Variants in OCA2 observed in about 807,000 individuals in gnomAD.
OCA2 encodes OCA2 melanosomal transmembrane protein, also known as P protein.
In OCA2, 77 loss-of-function variants were observed where a neutral mutation model predicts 100.2. That is an observed-to-expected ratio of 0.77 (90% CI 0.64 to 0.93). The LOEUF (loss-of-function observed/expected upper bound fraction) is 0.93. OCA2 is among the 40% of genes least tolerant of loss of function. The pLI is 0.00. For synonymous variants in OCA2, 432 were observed against 439.2 expected, an observed-to-expected ratio of 0.98 and a Z score of 0.21; for missense variants, 1,062 against 1,089.1, an observed-to-expected ratio of 0.98 and a Z score of 0.35.
intron 23 of OCA2, among the ~76,000 whole-genome samples, chr15:27,765,135 G>A (rs1255528021): frequency 6.6e-6 from 1 of 152,110 alleles, no homozygotes; most frequent in Non-Finnish European, 1.5e-5. Flanking sequence ...CCAGGTGAGT[G>A]TAGCAGGCCA....
chr15:27,964,428 G>C (rs902364080), intron 15 of OCA2, among the ~76,000 whole-genome samples: 3 of 152,204 alleles, frequency 2.0e-5, no homozygotes, highest in Non-Finnish European at 2.9e-5. Context: ...CCCATTCTGA[G>C]CACCTGGCAG....
the OCA2 span, among the ~76,000 whole-genome samples, chr15:27,729,719 T>C: frequency 1.2e-4 from 19 of 152,328 alleles, no homozygotes; most frequent in African/African-American, 4.3e-4. Flanking sequence ...TAAGGACTCA[T>C]GGTTGTTATT....
rs545682488 is a variant in OCA2, at chr15:27,799,042, T to C, written c.2433-43570A>G. Among the ~76,000 whole-genome samples, 23 of 152,346 alleles carry C rather than the reference T, an allele frequency of 1.5e-4. No homozygotes were observed. The South Asian group carries it at 4.8e-3, about 32-fold the overall frequency. On this transcript the variant is annotated intron_variant, in intron 23 of 23. Transcript: ENST00000354638. ...AAGAAAGCCAAACAATGTTTTTCAT[T>C]AAACAAGAGAGCTCTTAATAAGTAG...
intron 18 of OCA2, among the ~76,000 whole-genome samples, chr15:27,947,366 T>C (rs1392898607): frequency 6.6e-6 from 1 of 152,158 alleles, no homozygotes; most frequent in African/African-American, 2.4e-5. Flanking sequence ...GAGGTGATGG[T>C]CCCTGCACAT....
intron 2 of OCA2, among the ~76,000 whole-genome samples, chr15:28,054,877 T>G (rs1398857579): frequency 6.6e-6 from 1 of 152,138 alleles, no homozygotes; most frequent in East Asian, 1.9e-4. Context: ...ATGTCCTTCT[T>G]CACGTGGTGG....
chr15:27,986,582 C>T lies in OCA2; in HGVS notation c.1239+5G>A. On this transcript the variant is annotated splice_donor_5th_base_variant and intron_variant, in intron 12 of 23. Coordinates refer to ENST00000354638, the MANE Select transcript of OCA2 (RefSeq NM_000275.3). ...TAGAATTATTAAATGCAACATCATA[C>T]CTACCTTTACAGCACAATAATCGAA... is the stretch of plus-strand genomic sequence containing the variant. 1.3e-6 allele frequency: 2 copies of T among 1,550,786 alleles called. No homozygotes were observed. The highest frequency in any genetic ancestry group is 1.8e-6 in the Non-Finnish European group (2 of 1,121,822).
intron 19 of OCA2, among the ~76,000 whole-genome samples, chr15:27,891,466 A>G (rs2037458743): frequency 2.0e-5 from 3 of 152,198 alleles, no homozygotes; most frequent in Admixed American, 1.3e-4. Context: ...TGGTTCCAGG[A>G]CCTCTGTGGA....
intron 18 of OCA2, among the ~76,000 whole-genome samples, chr15:27,945,219 C>T (rs1189455956): frequency 6.6e-6 from 1 of 152,200 alleles, no homozygotes; most frequent in African/African-American, 2.4e-5. Context: ...GCCTCAGCCA[C>T]TCCAGGCCAC....
intron 23 of OCA2, among the ~76,000 whole-genome samples, chr15:27,797,633 A>G (rs749583211): frequency 7.2e-5 from 11 of 152,162 alleles, no homozygotes; most frequent in Non-Finnish European, 7.4e-5. Flanking sequence ...ACAAAAATGA[A>G]TAGTATAAGT....
At chr15:27,771,359 C>T (rs1322771791) in intron 23 of OCA2, among the ~76,000 whole-genome samples, 3 of 149,712 alleles carry the variant, frequency 2.0e-5, no homozygotes, top group Non-Finnish European at 4.4e-5. Flanking sequence ...GCCCTGCCTG[C>T]GAGAGGCCCC....
intron 23 of OCA2, among the ~76,000 whole-genome samples, chr15:27,771,507 C>T (rs2031863429): frequency 6.6e-6 from 1 of 152,072 alleles, no homozygotes; most frequent in African/African-American, 2.4e-5. Context: ...TGGCCGCGGG[C>T]CGAGTCCAGC....
chr15:27,972,941 C>T (rs897643245), intron 14 of OCA2, among the ~76,000 whole-genome samples: 8 of 151,524 alleles, frequency 5.3e-5, no homozygotes, highest in Non-Finnish European at 1.2e-4. Flanking sequence ...TCTCGGCTCA[C>T]TGCAACCTCT....
chr15:27,975,564 C>T (rs2040939635), intron 14 of OCA2, among the ~76,000 whole-genome samples: 1 of 152,214 alleles, frequency 6.6e-6, no homozygotes, highest in East Asian at 1.9e-4. Context: ...GCTGACTTGG[C>T]TTTGCACCTT....
chr15:27,854,914 G>A (rs980702520), intron 21 of OCA2, among the ~76,000 whole-genome samples: 10 of 152,156 alleles, frequency 6.6e-5, no homozygotes, highest in East Asian at 3.9e-4. Flanking sequence ...CAGTATCAAG[G>A]GAGGAGGCAA....
At position 27,981,004 on chromosome 15, in the gene OCA2, G is replaced by A. The variant is rs375992542; in HGVS notation, c.1503+2341C>T. 6.6e-5 allele frequency among the ~76,000 whole-genome samples: 10 copies of A among 152,118 alleles called. No individual in the cohort carries two copies. In the East Asian group the frequency reaches 9.6e-4, roughly 15 times the overall value. Reference sequence around the variant, plus strand: ...TCAGAGATGAGAATTGCATATGTTAGGCCACTTGAAATTTTCCCATAGCTC... The same window carrying A: ...TCAGAGATGAGAATTGCATATGTTAAGCCACTTGAAATTTTCCCATAGCTC... On this transcript the variant is annotated intron_variant, in intron 14 of 23. Coordinates refer to ENST00000354638, the MANE Select transcript of OCA2 (RefSeq NM_000275.3).
At chr15:27,842,040 A>G (rs1304561021) in intron 23 of OCA2, among the ~76,000 whole-genome samples, 1 of 152,252 alleles carries the variant, frequency 6.6e-6, no homozygotes, top group Non-Finnish European at 1.5e-5. Context: ...GAAATGAAAC[A>G]AGGTTTTATC....
chr15:27,759,319 A>G (rs1407261388), intron 23 of OCA2, among the ~76,000 whole-genome samples: 3 of 152,202 alleles, frequency 2.0e-5, no homozygotes, highest in Non-Finnish European at 4.4e-5. Flanking sequence ...AACAGAAATG[A>G]AATGATAAAA....
At chr15:27,789,754 C>A (rs1024785626) in intron 23 of OCA2, among the ~76,000 whole-genome samples, 2 of 152,104 alleles carry the variant, frequency 1.3e-5, no homozygotes, top group African/African-American at 4.8e-5. Flanking sequence ...GTCTTTTCAA[C>A]AAATGGTACT....
At chr15:27,948,708 C>T (rs1437567023) in intron 18 of OCA2, among the ~76,000 whole-genome samples, 1 of 152,176 alleles carries the variant, frequency 6.6e-6, no homozygotes, top group African/African-American at 2.4e-5. Flanking sequence ...TCAAGCAATC[C>T]ACCCTCCTCG....
Sources: gnomAD v4.1 joint callset for allele counts (sites outside exome capture counted in the v4.1 genomes callset) on GRCh38, gnomAD v4.1.1 for gene constraint, MANE v1.5 for transcripts, NCBI Gene and HGNC (gene_info 2026-07-23, HGNC 2026-07-21) for gene names.